MACROD2: variants seen among roughly 807,000 people sequenced by gnomAD.
The protein encoded by MACROD2 is ADP-ribose glycohydrolase MACROD2.
In MACROD2, 36 loss-of-function variants were observed where a neutral mutation model predicts 70.4. The ratio of observed to expected loss-of-function variants is 0.51; its 90% CI spans 0.39 to 0.68. MACROD2 has a LOEUF of 0.68. MACROD2 is among the 30% of genes least tolerant of loss of function. The probability of loss-of-function intolerance (pLI) is 0.00; values close to 1 mark genes in which losing one functional copy is unlikely to be tolerated. For missense variants in MACROD2, 496 were observed against 538.4 expected (o/e 0.92, Z 0.78); for synonymous variants, 172 against 178.8 (o/e 0.96, Z 0.30).
chr20:15,161,362 T>G (rs983071567), intron 5 of MACROD2, among the ~76,000 whole-genome samples: 7 of 149,862 alleles, frequency 4.7e-5, no homozygotes, highest in Admixed American at 1.3e-4. Flanking sequence ...AATAAATAAT[T>G]GTAATAACAT....
At chr20:15,397,636 C>G (rs2146302751) in intron 6 of MACROD2, among the ~76,000 whole-genome samples, 1 of 152,136 alleles carries the variant, frequency 6.6e-6, no homozygotes, top group South Asian at 2.1e-4. Flanking sequence ...TTCATAATAG[C>G]TTTTTAAAAT....
At chr20:15,485,879 G>A (rs2047156819) in intron 7 of MACROD2, among the ~76,000 whole-genome samples, 1 of 152,138 alleles carries the variant, frequency 6.6e-6, no homozygotes, top group South Asian at 2.1e-4. Flanking sequence ...GGATGTTTTA[G>A]GTAGAATAGT....
chr20:14,866,462 A>G (rs987142353), intron 5 of MACROD2, among the ~76,000 whole-genome samples: 12 of 152,098 alleles, frequency 7.9e-5, no homozygotes, highest in African/African-American at 1.7e-4. Context: ...TCTCAATGCT[A>G]TAGATGATGA....
intron 8 of MACROD2, among the ~76,000 whole-genome samples, chr20:15,681,065 G>A (rs2050153114): frequency 1.3e-5 from 2 of 152,144 alleles, no homozygotes; most frequent in African/African-American, 4.8e-5. Flanking sequence ...GTTTGAAGAC[G>A]CTCTCAAGTC....
At chr20:15,353,180 G>A (rs2078247389) in intron 6 of MACROD2, among the ~76,000 whole-genome samples, 1 of 151,344 alleles carries the variant, frequency 6.6e-6, no homozygotes, top group African/African-American at 2.4e-5. Context: ...ACAGAACAGA[G>A]CCCTCAGAAA....
At chr20:14,810,628 T>C (rs1178966150) in intron 5 of MACROD2, among the ~76,000 whole-genome samples, 7 of 152,046 alleles carry the variant, frequency 4.6e-5, no homozygotes. Context: ...GGTATTCAAA[T>C]AGGAAGAGAG....
chr20:15,037,160 C>T (rs2075319792), intron 5 of MACROD2, among the ~76,000 whole-genome samples: 1 of 151,914 alleles, frequency 6.6e-6, no homozygotes, highest in Non-Finnish European at 1.5e-5. Context: ...TGTGGTTTGC[C>T]CTCTGAAGCT....
chr20:15,294,156 T>G lies in MACROD2; in HGVS notation c.540+64095T>G, dbSNP rs148501747. ...AAAAAAAAAAATTCAGGAGTTTTTA[T>G]ATAAACTCTAGATTGCAACTTCTCT... On this transcript the variant is annotated intron_variant, in intron 6 of 17. Transcript: ENST00000684519. Among the ~76,000 whole-genome samples the G allele has an allele frequency of 1.9e-3, 285 of 151,286 alleles. 2 individuals carry two copies. The highest frequency in any genetic ancestry group is 6.5e-3 in the African/African-American group (269 of 41,220).
intron 3 of MACROD2, among the ~76,000 whole-genome samples, chr20:14,113,058 G>A (rs1338082020): frequency 6.6e-6 from 1 of 151,810 alleles, no homozygotes; most frequent in Non-Finnish European, 1.5e-5. Context: ...TATTAAACTT[G>A]GTGTTGTGTA....
intron 6 of MACROD2, among the ~76,000 whole-genome samples, chr20:15,265,325 T>C (rs991713498): frequency 6.6e-6 from 1 of 152,194 alleles, no homozygotes; most frequent in African/African-American, 2.4e-5. Flanking sequence ...AAAATGGGAC[T>C]GTGAAAAGGA....
At chr20:16,026,456 C>T (rs1391044157) in intron 15 of MACROD2, among the ~76,000 whole-genome samples, 1 of 152,224 alleles carries the variant, frequency 6.6e-6, no homozygotes, top group African/African-American at 2.4e-5. Context: ...GAGTCCATTA[C>T]TTTCAAGTGG....
At chr20:14,602,760 TA>T (rs1025638949) in intron 4 of MACROD2, among the ~76,000 whole-genome samples, 10 of 152,338 alleles carry the variant, frequency 6.6e-5, no homozygotes, top group African/African-American at 2.4e-4. Flanking sequence ...AATTATTTCT[TA>T]AAAATTGAAA....
chr20:14,415,360 A>G (rs1019841687), intron 3 of MACROD2, among the ~76,000 whole-genome samples: 2 of 152,174 alleles, frequency 1.3e-5, no homozygotes, highest in African/African-American at 4.8e-5. Context: ...CATAACTTCT[A>G]ATTTCTCCTA....
At chr20:14,159,978 A>T (rs2055160660) in intron 3 of MACROD2, among the ~76,000 whole-genome samples, 1 of 152,090 alleles carries the variant, frequency 6.6e-6, no homozygotes, top group Non-Finnish European at 1.5e-5. Flanking sequence ...TGTTGAGATT[A>T]TCATGTGGTT....
chr20:14,938,692 G>A (rs2074362830), intron 5 of MACROD2, among the ~76,000 whole-genome samples: 2 of 151,942 alleles, frequency 1.3e-5, no homozygotes, highest in Admixed American at 1.3e-4. Flanking sequence ...GGGGCGGGAG[G>A]ATCACCTGAG....
intron 6 of MACROD2, among the ~76,000 whole-genome samples, chr20:15,299,606 C>A (rs910794820): frequency 6.6e-6 from 1 of 152,154 alleles, no homozygotes; most frequent in Admixed American, 6.5e-5. Flanking sequence ...GTTGTCTGGA[C>A]AAAGATTTAT....
intron 4 of MACROD2, among the ~76,000 whole-genome samples, chr20:14,661,969 C>T (rs1008391193): frequency 2.0e-5 from 3 of 151,990 alleles, no homozygotes; most frequent in South Asian, 2.1e-4. Context: ...TTGTGAGAAA[C>T]GGTTATTGCA....
At chr20:15,680,350 A>G (rs201221) in intron 8 of MACROD2, among the ~76,000 whole-genome samples, 27,715 of 152,076 alleles carry the variant, frequency 0.18, 2,650 homozygotes, top group African/African-American at 0.25. Context: ...CCTTGGTGAC[A>G]GTTTGGTGAG....
chr20:15,591,925 G>A (rs539685625), intron 8 of MACROD2, among the ~76,000 whole-genome samples: 19 of 152,268 alleles, frequency 1.2e-4, no homozygotes, highest in Non-Finnish European at 1.9e-4. Flanking sequence ...CAGGCTATGC[G>A]TTATAAAACA....
Sources: allele counts gnomAD v4.1 joint callset (sites outside exome capture counted in the v4.1 genomes callset), GRCh38; gene constraint gnomAD v4.1.1; transcripts MANE v1.5; gene names NCBI Gene and HGNC (gene_info 2026-07-23, HGNC 2026-07-21).